The following CNTN5 variants were observed in gnomAD, a reference collection of about 807,000 sequenced individuals.
CNTN5 encodes the protein contactin 5.
CNTN5 carries 77 observed loss-of-function variants against 129.1 expected under a neutral mutation model. The observed-to-expected ratio is 0.60, with a 90% confidence interval of 0.50 to 0.72. The LOEUF is 0.72. Among genes scored for constraint, CNTN5 ranks in the 30% least tolerant of loss-of-function variants. The probability of loss-of-function intolerance (pLI) is 0.00; values close to 1 mark genes in which losing one functional copy is unlikely to be tolerated. For missense variants in CNTN5, 1,478 were observed against 1,328.8 expected, an observed-to-expected ratio of 1.11 and a Z score of -1.75; for synonymous variants, 509 against 465.6, an observed-to-expected ratio of 1.09 and a Z score of -1.20.
intron 3 of CNTN5, among the ~76,000 whole-genome samples, chr11:99,615,999 G>A (rs1293487799): frequency 6.6e-6 from 1 of 152,040 alleles, no homozygotes; most frequent in Non-Finnish European, 1.5e-5. Context: ...GCCTCTCAAT[G>A]TGTTGGGATT....
intron 8 of CNTN5, among the ~76,000 whole-genome samples, chr11:99,979,519 G>GT (rs973782542): frequency 4.6e-5 from 7 of 152,132 alleles, no homozygotes; most frequent in Non-Finnish European, 1.0e-4. Flanking sequence ...CATCTTTTAT[G>GT]TTTTTGTGTG....
intron 6 of CNTN5, among the ~76,000 whole-genome samples, chr11:99,904,081 C>G (rs1324526059): frequency 6.6e-6 from 1 of 152,072 alleles, no homozygotes; most frequent in Non-Finnish European, 1.5e-5. Flanking sequence ...TTATTGCTTG[C>G]AAATATTGTA....
intron 1 of CNTN5, among the ~76,000 whole-genome samples, chr11:99,116,520 G>A (rs369413066): frequency 6.6e-5 from 10 of 152,064 alleles, no homozygotes; most frequent in African/African-American, 2.2e-4. Flanking sequence ...CAGGTTGCAC[G>A]TTACATAATA....
At chr11:99,720,019 A>T (rs934305306) in intron 3 of CNTN5, among the ~76,000 whole-genome samples, 1 of 152,076 alleles carries the variant, frequency 6.6e-6, no homozygotes, top group African/African-American at 2.4e-5. Context: ...AACAAGTTGC[A>T]AAATTAGTAA....
chr11:99,468,518 C>A (rs1289136550), intron 2 of CNTN5, among the ~76,000 whole-genome samples: 1 of 152,164 alleles, frequency 6.6e-6, no homozygotes, highest in Non-Finnish European at 1.5e-5. Context: ...GCCTTACATA[C>A]ACTGGTCTAT....
At chr11:99,191,985 TA>T (rs1858667278) in intron 1 of CNTN5, among the ~76,000 whole-genome samples, 1 of 151,594 alleles carries the variant, frequency 6.6e-6, no homozygotes, top group African/African-American at 2.4e-5. Flanking sequence ...ACAGAAACTA[TA>T]AAAATAATAC....
intron 3 of CNTN5, among the ~76,000 whole-genome samples, chr11:99,580,962 G>A (rs1267121203): frequency 6.9e-6 from 1 of 144,830 alleles, no homozygotes; most frequent in Non-Finnish European, 1.5e-5. Flanking sequence ...TTCTCTTGTG[G>A]GCATTTAGTG....
chr11:99,430,334 C>T (rs750538094), intron 2 of CNTN5, among the ~76,000 whole-genome samples: 6 of 149,988 alleles, frequency 4.0e-5, no homozygotes, highest in Non-Finnish European at 5.9e-5. Context: ...AAGCAAGATC[C>T]GAAAAGAGAA....
intron 1 of CNTN5, among the ~76,000 whole-genome samples, chr11:99,262,823 G>A (rs1242540750): frequency 6.6e-6 from 1 of 151,828 alleles, no homozygotes; most frequent in Non-Finnish European, 1.5e-5. Flanking sequence ...TTAGATAAAG[G>A]TAATGGTAAT....
rs751720211 is a variant in CNTN5 at position 100,193,500 on chromosome 11, T to C, written c.1721T>C (p.Ile574Thr). The C allele has an allele frequency of 4.4e-6, 7 of 1,590,628 alleles. No homozygotes were observed. The highest frequency in any genetic ancestry group is 6.0e-6 in the Non-Finnish European group (7 of 1,165,450). The change falls in exon 15 of 25, where the codon ATA becomes ACA. Residue 574 changes from isoleucine to threonine, a missense_variant. Coordinates refer to ENST00000524871, the MANE Select transcript of CNTN5 (RefSeq NM_014361.4). ...TTTATTTCTATAGAACCTACAAGGA[T>C]AGAACTTACTCCTAAAAGAACAGAA... ...ASLSVKEPTR[I>T]ELTPKRTELT...
intron 1 of CNTN5, among the ~76,000 whole-genome samples, chr11:99,220,021 C>A (rs537740878): frequency 6.6e-6 from 1 of 152,074 alleles, no homozygotes; most frequent in Non-Finnish European, 1.5e-5. Flanking sequence ...GAGAAAATGG[C>A]AATACATAGA....
intron 9 of CNTN5, among the ~76,000 whole-genome samples, chr11:100,044,195 A>G (rs1942539177): frequency 6.6e-6 from 1 of 151,998 alleles, no homozygotes; most frequent in Admixed American, 6.6e-5. Context: ...CGTGATATGT[A>G]TATATAACAT....
At chr11:100,167,479 A>G (rs1367286472) in intron 13 of CNTN5, among the ~76,000 whole-genome samples, 1 of 151,882 alleles carries the variant, frequency 6.6e-6, no homozygotes, top group Non-Finnish European at 1.5e-5. Context: ...TAGACACGAG[A>G]GATACAATGA....
At chr11:99,397,804 G>A (rs997100822) in intron 2 of CNTN5, among the ~76,000 whole-genome samples, 1 of 151,632 alleles carries the variant, frequency 6.6e-6, no homozygotes, top group African/African-American at 2.4e-5. Context: ...AAGGATCCCT[G>A]GCTACTTTTA....
At chr11:99,971,654 G>A (rs1360543933) in intron 8 of CNTN5, among the ~76,000 whole-genome samples, 4 of 151,638 alleles carry the variant, frequency 2.6e-5, no homozygotes, top group African/African-American at 4.9e-5. Context: ...ATAGCTTCCC[G>A]TATCTAAGGT....
chr11:99,416,561 CAA>C (rs1565564724), intron 2 of CNTN5, among the ~76,000 whole-genome samples: 2 of 152,122 alleles, frequency 1.3e-5, no homozygotes, highest in Non-Finnish European at 1.5e-5. Flanking sequence ...GCTGAGATTA[CAA>C]GCATAAGCCA....
intron 1 of CNTN5, among the ~76,000 whole-genome samples, chr11:99,311,181 C>T (rs1591505582): frequency 6.6e-6 from 1 of 152,282 alleles, no homozygotes; most frequent in Non-Finnish European, 1.5e-5. Context: ...CCCGCCTCGG[C>T]CTCTCAAAGT....
chr11:99,130,370 G>A (rs1381800777), intron 1 of CNTN5, among the ~76,000 whole-genome samples: 1 of 152,120 alleles, frequency 6.6e-6, no homozygotes, highest in African/African-American at 2.4e-5. Context: ...GACAAAGAAA[G>A]ACATTACATA....
At chr11:99,357,252 A>G (rs895995149) in intron 2 of CNTN5, among the ~76,000 whole-genome samples, 1 of 152,124 alleles carries the variant, frequency 6.6e-6, no homozygotes. Context: ...GCCTCTTTTT[A>G]AAATTCTCAG....
Sources: allele counts gnomAD v4.1 joint callset (sites outside exome capture counted in the v4.1 genomes callset), GRCh38; gene constraint gnomAD v4.1.1; transcripts MANE v1.5; gene names NCBI Gene and HGNC (gene_info 2026-07-23, HGNC 2026-07-21).